Variants in CR2 observed in about 807,000 individuals in gnomAD.
The protein encoded by CR2 is complement C3d receptor 2, also known as complement receptor type 2.
Under a neutral mutation model 123.0 loss-of-function variants are expected in CR2, and 96 were observed. That is an observed-to-expected ratio of 0.78 (90% CI 0.66 to 0.93). The LOEUF is 0.93. CR2 is among the 40% of genes least tolerant of loss of function. The probability of loss-of-function intolerance (pLI) is 0.00; values close to 1 mark genes in which losing one functional copy is unlikely to be tolerated. For synonymous variants in CR2, 484 were observed against 469.5 expected (o/e 1.03, Z -0.40); for missense variants, 1,258 against 1,361.0 (o/e 0.92, Z 1.19).
chr1:207,479,963 G>C lies in CR2; in HGVS notation c.3113-15G>C. 6.2e-7 allele frequency: 1 copy of C among 1,603,414 alleles called. No homozygotes were observed. Among genetic ancestry groups the C allele is most frequent in the Non-Finnish European group, 8.5e-7 (1 of 1,170,552 alleles). On this transcript the variant is annotated splice_polypyrimidine_tract_variant and intron_variant, in intron 17 of 19. Transcript: ENST00000367057. Reference sequence around the variant, plus strand: ...CGTCTTCTGGCATTTGATACTTGCTGGATTTTTCTTCTAGGTATTGCTGCA... The same window carrying C: ...CGTCTTCTGGCATTTGATACTTGCTCGATTTTTCTTCTAGGTATTGCTGCA...
chr1:207,467,156 A>T (rs1460814946), intron 2 of CR2, among the ~76,000 whole-genome samples: 1 of 152,198 alleles, frequency 6.6e-6, no homozygotes. Flanking sequence ...ACACCTAATA[A>T]TTGAGTAGGG....
At chr1:207,486,345 C>T (rs760018767) in intron 19 of CR2, among the ~76,000 whole-genome samples, 14 of 150,206 alleles carry the variant, frequency 9.3e-5, no homozygotes, top group South Asian at 2.1e-4. Context: ...GCTGTGTTGG[C>T]GGCACAGCAA....
intron 18 of CR2, 30 bp from the exon 19 acceptor site, chr1:207,485,434 T>C: frequency 7.4e-7 from 1 of 1,345,150 alleles, no homozygotes. Context: ...TGAGTAAAGA[T>C]ATTACATTTT....
intron 1 of CR2, among the ~76,000 whole-genome samples, chr1:207,465,251 A>G (rs1484836456): frequency 1.3e-5 from 2 of 152,158 alleles, no homozygotes; most frequent in African/African-American, 4.8e-5. Flanking sequence ...TTTAAAAGTA[A>G]ACTTTGAAAG....
chr1:207,455,164 C>T (rs1291789912), intron 1 of CR2, among the ~76,000 whole-genome samples: 1 of 152,162 alleles, frequency 6.6e-6, no homozygotes, highest in Non-Finnish European at 1.5e-5. Context: ...TCCAGATTGG[C>T]TTGATTTTAA....
intron 2 of CR2, chr1:207,468,225 A>T: frequency 2.3e-6 from 1 of 428,086 alleles, no homozygotes; most frequent in Non-Finnish European, 4.3e-6. Flanking sequence ...TCCATATCCT[A>T]AGTCAGCATC....
At chr1:207,486,925 G>A (rs912995895) in intron 19 of CR2, among the ~76,000 whole-genome samples, 3 of 152,226 alleles carry the variant, frequency 2.0e-5, no homozygotes, top group East Asian at 3.8e-4. Context: ...CAAGAAGACA[G>A]CTGATGTACA....
chr1:207,483,048 C>T (rs1306796058), intron 18 of CR2, among the ~76,000 whole-genome samples: 2 of 152,008 alleles, frequency 1.3e-5, no homozygotes, highest in Non-Finnish European at 2.9e-5. Context: ...CAAAGCATAC[C>T]GTCAGGTGTT....
chr1:207,476,086 C>A, intron 14 of CR2, 148 bp from the exon 15 acceptor site: 1 of 729,802 alleles, frequency 1.4e-6, no homozygotes, highest in Non-Finnish European at 2.5e-6. Flanking sequence ...TCCAGTGTTG[C>A]TGGTCTGGGT....
intron 1 of CR2, among the ~76,000 whole-genome samples, chr1:207,456,635 C>T (rs937347414): frequency 1.3e-5 from 2 of 152,212 alleles, no homozygotes; most frequent in South Asian, 2.1e-4. Context: ...CTAACTTTAT[C>T]CTATGCTGAG....
chr1:207,458,065 C>CAA (rs1657878121), intron 1 of CR2, among the ~76,000 whole-genome samples: 1 of 145,678 alleles, frequency 6.9e-6, no homozygotes, highest in African/African-American at 2.7e-5. Flanking sequence ...CCACAACACA[C>CAA]ACACACACAC....
At chr1:207,458,311 G>T (rs1357752438) in intron 1 of CR2, among the ~76,000 whole-genome samples, 4 of 149,238 alleles carry the variant, frequency 2.7e-5, no homozygotes, top group African/African-American at 9.9e-5. Context: ...TGTACTCTTT[G>T]CTTCTAAAAG....
At chr1:207,487,919 A>G (rs1452026788) in intron 19 of CR2, among the ~76,000 whole-genome samples, 1 of 152,234 alleles carries the variant, frequency 6.6e-6, no homozygotes, top group Non-Finnish European at 1.5e-5. Flanking sequence ...CAGTCTTCTC[A>G]GTGAATAGAA....
At chr1:207,485,335 A>T in intron 18 of CR2, 129 bp from the exon 19 acceptor site, 1 of 672,978 alleles carries the variant, frequency 1.5e-6, no homozygotes, top group South Asian at 1.6e-5. Context: ...TTAAAGTATA[A>T]TTTAAAAAAA....
chr1:207,479,568 T>A (rs1273258849), intron 17 of CR2, among the ~76,000 whole-genome samples: 1 of 152,250 alleles, frequency 6.6e-6, no homozygotes, highest in African/African-American at 2.4e-5. Context: ...ATAGGCAGGC[T>A]TCTTCTGCTG....
intron 16 of CR2, among the ~76,000 whole-genome samples, chr1:207,478,538 A>G (rs1658508818): frequency 6.7e-6 from 1 of 150,182 alleles, no homozygotes; most frequent in South Asian, 2.1e-4. Context: ...AAAAAAAAAA[A>G]AAAAAAAAAG....
rs753052717 is a variant in CR2, at chr1:207,474,899, G to A, written c.2399G>A (p.Gly800Glu). The change falls in exon 14 of 20, where the codon GGA (glycine) becomes GAA (glutamate). Residue 800 changes from glycine (G) to glutamate (E), a missense_variant. Transcript: ENST00000367057. ...TGMMAENFLYGNEVSYECDQG... is the reference protein window; with the variant it reads ...TGMMAENFLYENEVSYECDQG... ...ATGATGGCAGAAAACTTTCTATATG[G>A]AAATGAAGTCTCTTATGAATGTGAC... The A allele has an allele frequency of 6.2e-7, 1 of 1,613,920 alleles. No individual in the cohort carries two copies. The highest frequency in any genetic ancestry group is 8.5e-7 in the Non-Finnish European group (1 of 1,179,962).
Position 207,468,331 on chromosome 1 carries a change from C to T in CR2, c.446-196C>T. 4.9e-6 allele frequency: 3 copies of T among 612,948 alleles called. No individual in the cohort carries two copies. In the South Asian group the frequency reaches 6.0e-5, roughly 12 times the overall value. 38.0% of individuals were successfully genotyped at this position (612,948 alleles called of 1,614,324 possible). ...CAGAAATTCATAAACTTTCTTAAAC[C>T]ATTATGAGATTTTTTTTTTGCAATT... On this transcript the variant is annotated intron_variant, in intron 2 of 19. Transcript: ENST00000367057.
In CR2 at chr1:207,469,234, T is replaced by C; in HGVS notation, c.817+2T>C. 1.2e-6 allele frequency: 2 copies of C among 1,612,466 alleles called. No individual in the cohort carries two copies. The highest frequency in any genetic ancestry group is 1.7e-6 in the Non-Finnish European group (2 of 1,178,566). ...GGACCAAAATGCCAGTATGTGAAGG[T>C]AGGCTAGGCAACTATGGTCTGACAG... On this transcript the variant is annotated splice_donor_variant, in intron 5 of 19. Coordinates refer to ENST00000367057, the MANE Select transcript of CR2 (RefSeq NM_001006658.3). LOFTEE classifies it high-confidence loss of function.
Sources: gnomAD v4.1 joint callset for allele counts (sites outside exome capture counted in the v4.1 genomes callset) on GRCh38, gnomAD v4.1.1 for gene constraint, MANE v1.5 for transcripts, NCBI Gene and HGNC (gene_info 2026-07-23, HGNC 2026-07-21) for gene names.